Variants in DHRS1 observed in about 807,000 individuals in gnomAD.
The protein encoded by DHRS1 is dehydrogenase/reductase SDR family member 1.
Under a neutral mutation model 35.2 loss-of-function variants are expected in DHRS1, and 34 were observed. The observed-to-expected ratio is 0.97, with a 90% CI of 0.74 to 1.29. DHRS1 has a LOEUF of 1.29. DHRS1 is among the 50% of genes most tolerant of loss of function. DHRS1 has a pLI of 0.00. For synonymous variants in DHRS1, 133 were observed against 160.0 expected, an observed-to-expected ratio of 0.83 and a Z score of 1.27; for missense variants, 354 against 403.6, an observed-to-expected ratio of 0.88 and a Z score of 1.05.
chr14:24,291,755 C>CT (rs2041162089), intron 6 of DHRS1, 130 bp from the exon 7 acceptor site: 2 of 923,398 alleles, frequency 2.2e-6, no homozygotes, highest in South Asian at 2.7e-5. Flanking sequence ...CAAGCAGGGC[C>CT]TGTAGGACCC....
intron 2 of DHRS1, 150 bp from the exon 3 acceptor site, chr14:24,297,031 C>G: frequency 9.6e-7 from 1 of 1,038,636 alleles, no homozygotes; most frequent in South Asian, 1.5e-5. Context: ...ACGCTGCCCT[C>G]TGGTGTCTGT....
At chr14:24,296,912 T>G (rs1255797210) in intron 2 of DHRS1, 31 bp from the exon 3 acceptor site, 5 of 1,613,760 alleles carry the variant, frequency 3.1e-6, no homozygotes, top group Non-Finnish European at 4.2e-6. Context: ...TGAGCTCACA[T>G]TCACACATGG....
At chr14:24,295,037 TTTTTTCTA>T in intron 4 of DHRS1, among the ~76,000 whole-genome samples, 1 of 152,210 alleles carries the variant, frequency 6.6e-6, no homozygotes, top group Non-Finnish European at 1.5e-5. Flanking sequence ...TTTCTTTTCT[TTTTTTCTA>T]TTTTTCCCAC....
At chr14:24,295,552 C>T (rs892994528) in intron 4 of DHRS1, among the ~76,000 whole-genome samples, 2 of 152,154 alleles carry the variant, frequency 1.3e-5, no homozygotes, top group East Asian at 1.9e-4. Flanking sequence ...CATCAGGGCC[C>T]AAGGTCGAGG....
rs763631390 is a variant in DHRS1 at position 24,292,342 on chromosome 14, C to T, written c.508-12G>A. The T allele has an allele frequency of 2.4e-5, 38 of 1,613,674 alleles. 1 individual carries two copies. The highest frequency in any genetic ancestry group is 2.3e-4 in the South Asian group (21 of 91,066). On this transcript the variant is annotated splice_polypyrimidine_tract_variant and intron_variant, in intron 5 of 8. Transcript: ENST00000288111. ...GCCAGCTTGTCACACTGTGGAGAGG[C>T]GGAAGGCAGGGTAAGAGCCACCTAG...
chr14:24,297,961 T>C (rs2041285310), intron 2 of DHRS1, among the ~76,000 whole-genome samples: 1 of 152,214 alleles, frequency 6.6e-6, no homozygotes, highest in African/African-American at 2.4e-5. Flanking sequence ...TGTGCATATC[T>C]CCCTCTTATA....
In DHRS1 at chr14:24,298,854, GAGT is replaced by G. The variant is rs2041310547; in HGVS notation, c.150+100_150+102del. ...TTTGAATAAATATTCACATCTTGTT[GAGT>G]AGTATTATAGTTTCAGGTAAGGGAT... On this transcript the variant is annotated intron_variant, in intron 2 of 8. Transcript: ENST00000288111. 3 of 1,230,596 alleles carry G rather than the reference GAGT, an allele frequency of 2.4e-6. No individual in the cohort carries two copies. In the Admixed American group the frequency reaches 8.1e-5, roughly 33 times the overall value. The allele number at this position is 1,230,596 out of a possible 1,614,324, so 76.2% of individuals were successfully genotyped here.
rs201787891 is a variant in DHRS1, at chr14:24,298,959, C to G, written c.148G>C (p.Glu50Gln). The change falls in exon 2 of 9, where the codon GAG becomes CAG. Residue 50 changes from glutamate to glutamine, a missense_variant and splice_region_variant. Glu to Gln is a conservative substitution (Grantham distance 29). Transcript: ENST00000288111. ...HLDTLRVVAQEAQSLGGQCVP... is the reference protein window; with the variant it reads ...HLDTLRVVAQQAQSLGGQCVP... ...GTGGTCCCAGAGGAAGCACTCACCT[C>G]CTGAGCAACAACGCGAAGGGTGTCC... 2 of 1,605,868 alleles carry G rather than the reference C, an allele frequency of 1.2e-6. No homozygotes were observed. The highest frequency in any genetic ancestry group is 3.3e-5 in the Admixed American group (2 of 59,810).
intron 6 of DHRS1, 37 bp from the exon 7 acceptor site, chr14:24,291,662 C>T: frequency 1.3e-6 from 2 of 1,590,796 alleles, no homozygotes; most frequent in Non-Finnish European, 1.7e-6. Context: ...GGGTTAATTT[C>T]CAAGAGCACT....
At chr14:24,292,111 A>G (rs1295401203) in intron 6 of DHRS1, 73 bp downstream of exon 6, 1 of 1,582,466 alleles carries the variant, frequency 6.3e-7, no homozygotes, top group African/African-American at 1.3e-5. Flanking sequence ...GAGTGGGAGT[A>G]TCTGATCTTG....
At chr14:24,292,900 CAG>C (rs1251078559) in intron 4 of DHRS1, 116 bp from the exon 5 acceptor site, 1 of 1,388,930 alleles carries the variant, frequency 7.2e-7, no homozygotes, top group Non-Finnish European at 9.5e-7. Context: ...GAAGGCTACA[CAG>C]GGTGGGTTAG....
At chr14:24,293,504 G>A (rs1262909418) in intron 4 of DHRS1, 1 of 152,182 alleles carries the variant, frequency 6.6e-6, no homozygotes, top group Non-Finnish European at 1.5e-5. Context: ...AGCCCAGGAG[G>A]CGGAGGTTGC....
At chr14:24,297,452 C>G (rs55764741) in intron 2 of DHRS1, among the ~76,000 whole-genome samples, 1 of 152,226 alleles carries the variant, frequency 6.6e-6, no homozygotes, top group Admixed American at 6.5e-5. Flanking sequence ...AGTCCTTTAT[C>G]TAAGAACAAT....
Position 24,296,750 on chromosome 14 carries a change from A to G in DHRS1, c.282T>C (p.Tyr94=), listed in dbSNP as rs1368793500. The G allele has an allele frequency of 1.2e-6, 2 of 1,614,228 alleles. No homozygotes were observed. The highest frequency in any genetic ancestry group is 1.7e-5 in the Admixed American group (1 of 60,028). The change falls in exon 3 of 9, where the codon TAT becomes TAC. Residue 94 remains tyrosine, a synonymous_variant. Transcript: ENST00000288111. ...GRLDVLVNNA[Y]AGVQTILNTR... is the part of the protein sequence containing the mutation. ...GTTCAAAGGGTACCTGGACCCCTGC[A>G]TAAGCATTGTTGACCAGCACATCTA...
chr14:24,296,893 C>G lies in DHRS1; in HGVS notation c.151-12G>C. The G allele has an allele frequency of 6.2e-7, 1 of 1,614,146 alleles. No individual in the cohort carries two copies. Among genetic ancestry groups the G allele is most frequent in the Non-Finnish European group, 8.5e-7 (1 of 1,180,022 alleles). On this transcript the variant is annotated splice_polypyrimidine_tract_variant and intron_variant, in intron 2 of 8. Transcript: ENST00000288111. ...CCGAGGGATTGTGCCTGGAGTAGGA[C>G]AGGGGATATGAGCTCACATTCACAC...
At chr14:24,296,384 A>C in intron 4 of DHRS1, 125 bp downstream of exon 4, 1 of 909,058 alleles carries the variant, frequency 1.1e-6, no homozygotes, top group Non-Finnish European at 1.8e-6. Context: ...GACAAATGGA[A>C]TGGAAGGGAG....
At chr14:24,291,798 C>A in intron 6 of DHRS1, 173 bp from the exon 7 acceptor site, 1 of 679,588 alleles carries the variant, frequency 1.5e-6, no homozygotes, top group East Asian at 2.7e-5. Context: ...CCACTCCTCC[C>A]CACATCCAGG....
At chr14:24,292,097 T>C in intron 6 of DHRS1, 87 bp downstream of exon 6, 1 of 1,533,018 alleles carries the variant, frequency 6.5e-7, no homozygotes, top group Non-Finnish European at 9.0e-7. Flanking sequence ...AGTAAGCACC[T>C]GGTGAGTGGG....
At chr14:24,297,435 G>A (rs1200637260) in intron 2 of DHRS1, among the ~76,000 whole-genome samples, 21 of 152,162 alleles carry the variant, frequency 1.4e-4, no homozygotes, top group Admixed American at 1.2e-3. Flanking sequence ...AACTTCAGAG[G>A]AAGAAGAGTC....
Sources: allele counts gnomAD v4.1 joint callset (sites outside exome capture counted in the v4.1 genomes callset), GRCh38; gene constraint gnomAD v4.1.1; transcripts MANE v1.5; gene names NCBI Gene and HGNC (gene_info 2026-07-23, HGNC 2026-07-21).